MYO1D: variants seen among roughly 807,000 people sequenced by gnomAD.
MYO1D encodes unconventional myosin-Id.
Under a neutral mutation model 122.0 loss-of-function variants are expected in MYO1D, and 83 were observed. The ratio of observed to expected loss-of-function variants is 0.68; its 90% CI spans 0.57 to 0.82. The LOEUF (loss-of-function observed/expected upper bound fraction) is 0.82, where lower values mean the gene tolerates loss of function less well. Among genes scored for constraint, MYO1D ranks in the 40% least tolerant of loss-of-function variants. The pLI, the probability that MYO1D is intolerant of heterozygous loss-of-function variation, is 0.00. For missense variants in MYO1D, 1,157 were observed against 1,269.5 expected, an observed-to-expected ratio of 0.91 and a Z score of 1.35; for synonymous variants, 464 against 446.9, an observed-to-expected ratio of 1.04 and a Z score of -0.48.
intron 13 of MYO1D, among the ~76,000 whole-genome samples, chr17:32,741,983 A>G (rs1472331828): frequency 6.7e-6 from 1 of 149,404 alleles, no homozygotes; most frequent in Non-Finnish European, 1.5e-5. Flanking sequence ...CCACTGCACT[A>G]CAGCCTGGGC....
At chr17:32,537,244 G>A (rs192562611) in intron 21 of MYO1D, among the ~76,000 whole-genome samples, 19 of 152,294 alleles carry the variant, frequency 1.2e-4, no homozygotes, top group African/African-American at 4.1e-4. Flanking sequence ...TGAGGGCCAC[G>A]ATTTATTCTT....
chr17:32,648,980 C>T (rs899013027), intron 19 of MYO1D, among the ~76,000 whole-genome samples: 4 of 151,988 alleles, frequency 2.6e-5, no homozygotes, highest in Admixed American at 6.6e-5. Flanking sequence ...CTAGGATTTA[C>T]AGAATACGTT....
At chr17:32,764,793 A>C in intron 8 of MYO1D, 85 bp downstream of exon 8, 1 of 1,402,486 alleles carries the variant, frequency 7.1e-7, no homozygotes, top group Non-Finnish European at 1.0e-6. Context: ...CTCTTTCAAG[A>C]ATGTCTGAAT....
At chr17:32,688,532 AG>A (rs1156468664) in intron 16 of MYO1D, among the ~76,000 whole-genome samples, 2 of 152,212 alleles carry the variant, frequency 1.3e-5, no homozygotes, top group Admixed American at 6.5e-5. Context: ...GACTTTAGTG[AG>A]GAGGCAGAAT....
At position 32,764,809 on chromosome 17, in the gene MYO1D, C is replaced by T. The variant is rs2090038085; in HGVS notation, c.1035+69G>A. On this transcript the variant is annotated intron_variant, in intron 8 of 21. Transcript: ENST00000318217. ...TCTTTCAAGAATGTCTGAATACATG[C>T]TCACAGGATTTCACTCAATTTGCAA... The T allele has an allele frequency of 9.4e-6, 14 of 1,485,318 alleles. No individual in the cohort carries two copies. In the South Asian group the frequency reaches 1.5e-4, roughly 16 times the overall value. The allele number at this position is 1,485,318 out of a possible 1,614,324, so 92.0% of individuals were successfully genotyped here. A position where few individuals can be genotyped will look rare whatever the true frequency, so the allele number is the denominator to read the frequency against.
At chr17:32,771,480 A>G (rs1301920587) in intron 5 of MYO1D, among the ~76,000 whole-genome samples, 1 of 152,230 alleles carries the variant, frequency 6.6e-6, no homozygotes, top group African/African-American at 2.4e-5. Context: ...TAACTGGCAT[A>G]AAAGTTTCTT....
chr17:32,732,036 G>T (rs2089646779), intron 14 of MYO1D, among the ~76,000 whole-genome samples: 1 of 152,218 alleles, frequency 6.6e-6, no homozygotes, highest in African/African-American at 2.4e-5. Flanking sequence ...AACCCAGCTG[G>T]GTATGCGCAC....
intron 21 of MYO1D, among the ~76,000 whole-genome samples, chr17:32,595,360 G>A (rs1227710467): frequency 6.6e-6 from 1 of 152,116 alleles, no homozygotes; most frequent in East Asian, 1.9e-4. Context: ...AATGATAAAT[G>A]TCTGAGGTGA....
intron 21 of MYO1D, among the ~76,000 whole-genome samples, chr17:32,559,213 T>G: frequency 6.6e-6 from 1 of 152,246 alleles, no homozygotes; most frequent in East Asian, 1.9e-4. Context: ...AAAAAGGGTT[T>G]GTAATCCATA....
intron 6 of MYO1D, among the ~76,000 whole-genome samples, chr17:32,768,358 C>T (rs899463761): frequency 1.7e-4 from 26 of 152,222 alleles, no homozygotes; most frequent in African/African-American, 6.3e-4. Flanking sequence ...CTGGTACAGG[C>T]AGCTCAAAGA....
At chr17:32,749,104 T>A in intron 11 of MYO1D, 98 bp from the exon 12 acceptor site, 1 of 1,079,894 alleles carries the variant, frequency 9.3e-7, no homozygotes, top group Non-Finnish European at 1.4e-6. Flanking sequence ...TATCACAAAT[T>A]ATGACATCAC....
chr17:32,494,692 G>A lies in MYO1D; in HGVS notation c.*67C>T. On this transcript the variant is annotated 3_prime_UTR_variant, in exon 22 of 22. Coordinates refer to ENST00000318217, the MANE Select transcript of MYO1D (RefSeq NM_015194.3). ...GTTTCTAGCGGGCATGGGTTGGGAG[G>A]CAGCAGCTGGACTGGGACCCAGGAC... The A allele has an allele frequency of 6.7e-7, 1 of 1,490,436 alleles. No individual in the cohort carries two copies. Among genetic ancestry groups the A allele is most frequent in the Non-Finnish European group, 9.0e-7 (1 of 1,116,216 alleles). 92.3% of individuals were successfully genotyped at this position (1,490,436 alleles called of 1,614,324 possible).
intron 21 of MYO1D, among the ~76,000 whole-genome samples, chr17:32,577,267 A>G (rs548564469): frequency 7.8e-4 from 118 of 150,700 alleles, no homozygotes; most frequent in African/African-American, 2.8e-3. Flanking sequence ...AAAAAAAAAA[A>G]GCATGAGGTA....
intron 16 of MYO1D, among the ~76,000 whole-genome samples, chr17:32,696,484 G>C (rs1454531488): frequency 6.6e-6 from 1 of 152,342 alleles, no homozygotes; most frequent in Non-Finnish European, 1.5e-5. Context: ...TCAACTAGTA[G>C]TTAGTAATGA....
chr17:32,850,357 T>C (rs1184293815), intron 1 of MYO1D, among the ~76,000 whole-genome samples: 8 of 152,214 alleles, frequency 5.3e-5, no homozygotes, highest in Non-Finnish European at 7.3e-5. Context: ...AAATGGACAA[T>C]TGCCCATCCT....
At chr17:32,825,523 G>A (rs1216009178) in intron 1 of MYO1D, among the ~76,000 whole-genome samples, 1 of 152,050 alleles carries the variant, frequency 6.6e-6, no homozygotes, top group Non-Finnish European at 1.5e-5. Flanking sequence ...AAAATCTTGG[G>A]CTCAGGCGAT....
intron 19 of MYO1D, among the ~76,000 whole-genome samples, chr17:32,644,621 A>G (rs1021012192): frequency 1.4e-4 from 22 of 152,194 alleles, no homozygotes; most frequent in African/African-American, 5.3e-4. Context: ...ATATATATTT[A>G]GGACAGTTAG....
chr17:32,847,504 A>G (rs2090948913), intron 1 of MYO1D, among the ~76,000 whole-genome samples: 1 of 152,196 alleles, frequency 6.6e-6, no homozygotes, highest in South Asian at 2.1e-4. Flanking sequence ...AAATGTCCCA[A>G]TGGGATAGAA....
In MYO1D at chr17:32,771,107, C is replaced by G; in HGVS notation, c.714+18G>C. 1 of 1,552,498 alleles carries G rather than the reference C, an allele frequency of 6.4e-7. No homozygotes were observed. ...GACTGATTTTCTATTGGAGCAATCT[C>G]AAAGAGGAAATTCTCACCTTTAATT... On this transcript the variant is annotated intron_variant, in intron 6 of 21. Coordinates refer to ENST00000318217, the MANE Select transcript of MYO1D (RefSeq NM_015194.3).
Sources: gnomAD v4.1 joint callset for allele counts (sites outside exome capture counted in the v4.1 genomes callset) on GRCh38, gnomAD v4.1.1 for gene constraint, MANE v1.5 for transcripts, NCBI Gene and HGNC (gene_info 2026-07-23, HGNC 2026-07-21) for gene names.